The following SGK1 variants were observed in gnomAD, a reference collection of about 807,000 sequenced individuals.
The protein encoded by SGK1 is serine/threonine-protein kinase Sgk1.
In SGK1, 26 loss-of-function variants were observed where a neutral mutation model predicts 64.2. That is an observed-to-expected ratio of 0.40 (90% CI 0.30 to 0.56). The LOEUF is 0.56. SGK1 is among the 20% of genes least tolerant of loss of function. The probability of loss-of-function intolerance (pLI) is 0.38; values close to 1 mark genes in which losing one functional copy is unlikely to be tolerated. For synonymous variants in SGK1, 265 were observed against 239.7 expected, an observed-to-expected ratio of 1.11 and a Z score of -0.98; for missense variants, 519 against 645.6, an observed-to-expected ratio of 0.80 and a Z score of 2.12.
intron 5 of SGK1, 176 bp from the exon 6 acceptor site, chr6:134,173,742 A>G: frequency 1.6e-6 from 1 of 606,910 alleles, no homozygotes; most frequent in Non-Finnish European, 2.8e-6. Context: ...AACTGCACAC[A>G]GTCATGTTGT....
intron 2 of SGK1, among the ~76,000 whole-genome samples, chr6:134,229,145 G>T (rs1018743065): frequency 5.9e-5 from 9 of 152,244 alleles, no homozygotes; most frequent in African/African-American, 2.2e-4. Context: ...TCTTGTAGTT[G>T]TTCTTGCTAC....
chr6:134,248,806 C>T (rs1776564086), intron 2 of SGK1, among the ~76,000 whole-genome samples: 1 of 152,242 alleles, frequency 6.6e-6, no homozygotes, highest in South Asian at 2.1e-4. Context: ...GTTAAATGAA[C>T]TACAAAATGA....
At chr6:134,238,577 T>C (rs1412010804) in intron 2 of SGK1, among the ~76,000 whole-genome samples, 2 of 70,634 alleles carry the variant, frequency 2.8e-5, no homozygotes, top group South Asian at 1.1e-3. Flanking sequence ...ATTCCCAAAG[T>C]CAGTGTTTTT....
intron 1 of SGK1, among the ~76,000 whole-genome samples, chr6:134,280,122 G>A (rs1225652648): frequency 1.3e-5 from 2 of 151,290 alleles, no homozygotes; most frequent in African/African-American, 2.4e-5. Context: ...TTGAGCCCAG[G>A]AGGTTGAGGC....
At chr6:134,183,848 A>ACCCCCCCCCCCCCCC (rs1562243390) in intron 3 of SGK1, among the ~76,000 whole-genome samples, 1 of 80,128 alleles carries the variant, frequency 1.2e-5, no homozygotes, top group Admixed American at 1.3e-4. Context: ...ACCTGTCCCC[A>ACCCCCCCCCCCCCCC]CCCCACCCCC....
intron 2 of SGK1, among the ~76,000 whole-genome samples, chr6:134,225,212 G>A (rs370168129): frequency 6.5e-4 from 99 of 151,480 alleles, no homozygotes; most frequent in Middle Eastern, 3.4e-3. Flanking sequence ...TGAGCCTGGT[G>A]TGGTGGTGCA....
chr6:134,196,278 C>T (rs1467956004), intron 3 of SGK1, among the ~76,000 whole-genome samples: 1 of 151,618 alleles, frequency 6.6e-6, no homozygotes, highest in Admixed American at 6.6e-5. Flanking sequence ...GTTATCCAGG[C>T]TGGTCTTGAA....
At chr6:134,297,409 C>T (rs758326347) in intron 1 of SGK1, 5 of 728,586 alleles carry the variant, frequency 6.9e-6, no homozygotes, top group South Asian at 5.3e-5. Flanking sequence ...CCATGCTGCT[C>T]GGCATCTGCG....
chr6:134,174,771 T>C (rs868675854), intron 3 of SGK1, 185 bp from the exon 4 acceptor site: 1 of 1,614,164 alleles, frequency 6.2e-7, no homozygotes, highest in African/African-American at 1.3e-5. Context: ...CTGGAGTAAG[T>C]GAGGGTGCCC....
At chr6:134,218,050 A>G (rs181432582) in intron 2 of SGK1, among the ~76,000 whole-genome samples, 1 of 152,332 alleles carries the variant, frequency 6.6e-6, no homozygotes, top group African/African-American at 2.4e-5. Context: ...TGTCTATTAA[A>G]TCAAATGTTT....
In SGK1 at chr6:134,170,815, C is replaced by A. The variant is rs780525346; in HGVS notation, c.1413+11G>T. ...GGCTTCTCTATACTTAGAAGAGAGA[C>A]AGATACTCACCACATTTGGGTTAAA... On this transcript the variant is annotated intron_variant, in intron 13 of 13. Coordinates refer to ENST00000367858, the MANE Select transcript of SGK1 (RefSeq NM_001143676.3). 1 of 1,537,414 alleles carries A rather than the reference C, an allele frequency of 6.5e-7. No individual in the cohort carries two copies. Among genetic ancestry groups the A allele is most frequent in the South Asian group, 1.1e-5 (1 of 89,316 alleles).
In SGK1 at chr6:134,169,691, A is replaced by T. The variant is rs1774944639; in HGVS notation, c.*577T>A. 6.5e-6 allele frequency: 1 copy of T among 152,676 alleles called. No homozygotes were observed. The highest frequency in any genetic ancestry group is 2.4e-5 in the African/African-American group (1 of 41,460). The allele number at this position is 152,676 out of a possible 1,614,324, so 9.5% of individuals were successfully genotyped here. A position where few individuals can be genotyped will look rare whatever the true frequency, so the allele number is the denominator to read the frequency against. ...AGTTATTAACCGTATCTTACAAAAA[A>T]GTCTACACATAAATTTATCTTCCAA... On this transcript the variant is annotated 3_prime_UTR_variant, in exon 14 of 14. Coordinates refer to ENST00000367858, the MANE Select transcript of SGK1 (RefSeq NM_001143676.3).
At chr6:134,311,730 A>T (rs993183975) in intron 1 of SGK1, among the ~76,000 whole-genome samples, 1 of 152,190 alleles carries the variant, frequency 6.6e-6, no homozygotes, top group African/African-American at 2.4e-5. Flanking sequence ...ATGCAGTGTC[A>T]CTGGGACCAT....
At chr6:134,303,089 G>A (rs1326215716) in intron 1 of SGK1, among the ~76,000 whole-genome samples, 1 of 151,964 alleles carries the variant, frequency 6.6e-6, no homozygotes, top group Non-Finnish European at 1.5e-5. Context: ...TTACAGATAA[G>A]CCTTAGAAAG....
rs561053362 is a variant in SGK1 at position 134,245,056 on chromosome 6, G to A, written c.285+16877C>T. ...CTCCCAAAGTGCTGGGATTACAGGCGTGAGCCACCATGCCCTGCCTTAAAC... is the reference window on the plus strand; with the variant it reads ...CTCCCAAAGTGCTGGGATTACAGGCATGAGCCACCATGCCCTGCCTTAAAC... On this transcript the variant is annotated intron_variant, in intron 2 of 13. Transcript: ENST00000367858. 9.0e-4 allele frequency among the ~76,000 whole-genome samples: 137 copies of A among 152,320 alleles called. No homozygotes were observed. In the Middle Eastern group the frequency reaches 0.01, roughly 11 times the overall value.
At chr6:134,228,841 C>CTTTTTTT (rs754300980) in intron 2 of SGK1, among the ~76,000 whole-genome samples, 8 of 129,950 alleles carry the variant, frequency 6.2e-5, no homozygotes, top group East Asian at 2.3e-4. Flanking sequence ...TGTAGTTGTT[C>CTTTTTTT]TTTTTTTTTT....
rs7748929 is a variant in SGK1, at chr6:134,297,350, G to A, written c.69+20042C>T. 3.6e-5 allele frequency: 36 copies of A among 1,010,916 alleles called. No homozygotes were observed. In the Middle Eastern group the frequency reaches 6.9e-4, roughly 19 times the overall value. The allele number at this position is 1,010,916 out of a possible 1,614,324, so 62.6% of individuals were successfully genotyped here. On this transcript the variant is annotated intron_variant, in intron 1 of 13. Coordinates refer to ENST00000367858, the MANE Select transcript of SGK1 (RefSeq NM_001143676.3). ...TGTCCTGCTAGGCCCGCTGCAGGGC[G>A]GCCTCCAGCTCAGACAGCTTGGCGT... is the stretch of plus-strand genomic sequence containing the variant.
At chr6:134,273,201 G>T (rs1776966458) in intron 1 of SGK1, among the ~76,000 whole-genome samples, 1 of 147,572 alleles carries the variant, frequency 6.8e-6, no homozygotes, top group African/African-American at 2.4e-5. Context: ...TTGCTATTGT[G>T]GTTATGGCTT....
chr6:134,188,846 C>T (rs1206398400), intron 3 of SGK1, among the ~76,000 whole-genome samples: 1 of 151,896 alleles, frequency 6.6e-6, no homozygotes, highest in Non-Finnish European at 1.5e-5. Context: ...CATCCTCCCA[C>T]TTCAGCCTCC....
Sources: gnomAD v4.1 joint callset for allele counts (sites outside exome capture counted in the v4.1 genomes callset) on GRCh38, gnomAD v4.1.1 for gene constraint, MANE v1.5 for transcripts, NCBI Gene and HGNC (gene_info 2026-07-23, HGNC 2026-07-21) for gene names.